Variants in MAST4 observed in about 807,000 individuals in gnomAD.
MAST4 encodes the protein microtubule associated serine/threonine kinase family member 4.
In MAST4, 89 loss-of-function variants were observed where a neutral mutation model predicts 162.7. The ratio of observed to expected loss-of-function variants is 0.55; its 90% CI spans 0.46 to 0.65. MAST4 has a LOEUF of 0.65. Among genes scored for constraint, MAST4 ranks in the 30% least tolerant of loss-of-function variants. The pLI is 0.00. For synonymous variants in MAST4, 1,479 were observed against 1,361.1 expected (o/e 1.09, Z -1.91); for missense variants, 3,153 against 3,374.0 (o/e 0.93, Z 1.62).
chr5:66,608,071 T>G (rs1743014381), intron 1 of MAST4, among the ~76,000 whole-genome samples: 1 of 151,482 alleles, frequency 6.6e-6, no homozygotes, highest in South Asian at 2.1e-4. Context: ...TTTTTTGTTT[T>G]TTTTTTTTGA....
At chr5:66,844,055 T>C (rs1366336130) in intron 3 of MAST4, among the ~76,000 whole-genome samples, 2 of 151,896 alleles carry the variant, frequency 1.3e-5, no homozygotes, top group East Asian at 3.9e-4. Flanking sequence ...TTCCCGTCAT[T>C]GTCAGACACT....
At chr5:67,114,383 G>T (rs1766632574) in intron 12 of MAST4, 164 bp downstream of exon 12, 2 of 799,878 alleles carry the variant, frequency 2.5e-6, no homozygotes, top group Non-Finnish European at 3.8e-6. Flanking sequence ...GCCATAAAAT[G>T]GGTCCTGAGA....
rs542773093 is a variant in MAST4, at chr5:67,064,091, T to G, written c.763+9599T>G. On this transcript the variant is annotated intron_variant, in intron 5 of 28. Coordinates refer to ENST00000403625, the MANE Select transcript of MAST4 (RefSeq NM_001164664.2). ...TTGCCTCTGTGTTGGCGATGTCAGT[T>G]GGAAGCCATTAATTCACTGATGGTA... Among the ~76,000 whole-genome samples, 6 of 152,296 alleles carry G rather than the reference T, an allele frequency of 3.9e-5. No homozygotes were observed. The East Asian group carries it at 9.6e-4, about 24-fold the overall frequency.
At chr5:66,747,097 G>GGTGTGT (rs138318051) in intron 1 of MAST4, among the ~76,000 whole-genome samples, 5,403 of 146,024 alleles carry the variant, frequency 0.037, 144 homozygotes, top group African/African-American at 0.062. Context: ...GCATGCGCAT[G>GGTGTGT]GTGTGTGTGT....
intron 3 of MAST4, among the ~76,000 whole-genome samples, chr5:66,812,143 A>G (rs1424553685): frequency 1.3e-5 from 2 of 152,210 alleles, no homozygotes; most frequent in Admixed American, 1.3e-4. Context: ...AAGGCTATCG[A>G]TAAGTCTCAT....
At chr5:66,761,348 TTTTAAAAGG>T (rs1753841981) in intron 2 of MAST4, among the ~76,000 whole-genome samples, 1 of 152,228 alleles carries the variant, frequency 6.6e-6, no homozygotes, top group Non-Finnish European at 1.5e-5. Context: ...AAAGCCTAGC[TTTTAAAAGG>T]TAACTCACCA....
At chr5:67,031,866 T>C (rs2150436573) in intron 4 of MAST4, among the ~76,000 whole-genome samples, 1 of 152,250 alleles carries the variant, frequency 6.6e-6, no homozygotes, top group South Asian at 2.1e-4. Context: ...CCACCTTCTT[T>C]CGTGAGAGAA....
intron 4 of MAST4, among the ~76,000 whole-genome samples, chr5:66,917,606 T>TTC (rs35209575): frequency 0.31 from 46,837 of 149,592 alleles, 8,935 homozygotes; most frequent in Non-Finnish European, 0.44. Flanking sequence ...TTTTTTTTTT[T>TTC]TCCCTAGATG....
intron 4 of MAST4, among the ~76,000 whole-genome samples, chr5:66,901,885 C>T (rs79933873): frequency 0.02 from 3,112 of 152,062 alleles, 107 homozygotes; most frequent in African/African-American, 0.072. Flanking sequence ...CCAGTAATTA[C>T]TCTCCTCATG....
chr5:66,789,221 A>G (rs1026033108), intron 3 of MAST4, among the ~76,000 whole-genome samples: 118 of 139,298 alleles, frequency 8.5e-4, no homozygotes, highest in African/African-American at 2.7e-3. Context: ...GTACATACAC[A>G]CATGATTTTT....
intron 3 of MAST4, among the ~76,000 whole-genome samples, chr5:66,840,554 T>TC (rs5868464): frequency 0.83 from 125,531 of 152,082 alleles, 51,900 homozygotes; most frequent in Non-Finnish European, 0.85. Flanking sequence ...GTACATTCAT[T>TC]CCTTGCTTGG....
At chr5:66,700,023 T>TAGATATATGATAGA (rs58361963) in intron 1 of MAST4, among the ~76,000 whole-genome samples, 30,810 of 152,158 alleles carry the variant, frequency 0.2, 3,595 homozygotes, top group East Asian at 0.31. Context: ...ATTGTGAAAC[T>TAGATATATGATAGA]AGCTGCATGG....
At chr5:66,726,161 G>A (rs1321577214) in intron 1 of MAST4, among the ~76,000 whole-genome samples, 1 of 152,034 alleles carries the variant, frequency 6.6e-6, no homozygotes, top group Non-Finnish European at 1.5e-5. Context: ...TAGCTAAGGT[G>A]GTCAGGGAAG....
chr5:66,874,799 G>A (rs1761183854), intron 3 of MAST4, among the ~76,000 whole-genome samples: 1 of 152,190 alleles, frequency 6.6e-6, no homozygotes, highest in African/African-American at 2.4e-5. Context: ...TCAGCCCAGA[G>A]CTATCTCAGA....
chr5:67,158,552 T>C (rs949509892), intron 26 of MAST4, among the ~76,000 whole-genome samples: 12 of 151,700 alleles, frequency 7.9e-5, no homozygotes, highest in East Asian at 3.9e-4. Context: ...ACCTGGGCAA[T>C]AGAGGAAGAC....
intron 4 of MAST4, among the ~76,000 whole-genome samples, chr5:67,003,493 C>T (rs1326286052): frequency 1.3e-5 from 2 of 152,106 alleles, no homozygotes; most frequent in Non-Finnish European, 1.5e-5. Flanking sequence ...TCTCTTTATC[C>T]TCCCATTTTT....
intron 1 of MAST4, among the ~76,000 whole-genome samples, chr5:66,756,497 C>G (rs1753546731): frequency 6.6e-6 from 1 of 152,152 alleles, no homozygotes. Context: ...GTCTTTAGTT[C>G]AACTCCTTGT....
chr5:67,144,746 C>A lies in MAST4; in HGVS notation c.2808C>A (p.Thr936=). ...ACTCTGTGGACAAAACCAAAAGCAC[C>A]ACCTTGCCATCCACAGAAACACTGA... ...KEDSVDKTKS[T]TLPSTETLSW... Residue 936 remains threonine (T), a synonymous_variant, in exon 22 of 29, where the codon ACC becomes ACA. Coordinates refer to ENST00000403625, the MANE Select transcript of MAST4 (RefSeq NM_001164664.2). 1 of 1,613,692 alleles carries A rather than the reference C, an allele frequency of 6.2e-7. No homozygotes were observed. Among genetic ancestry groups the A allele is most frequent in the South Asian group, 1.1e-5 (1 of 91,020 alleles).
At chr5:66,974,347 G>A (rs1280969135) in intron 4 of MAST4, among the ~76,000 whole-genome samples, 3 of 152,160 alleles carry the variant, frequency 2.0e-5, no homozygotes, top group Non-Finnish European at 2.9e-5. Context: ...ATGAATGAAC[G>A]AATTCATCCC....
Sources: allele counts gnomAD v4.1 joint callset (sites outside exome capture counted in the v4.1 genomes callset), GRCh38; gene constraint gnomAD v4.1.1; transcripts MANE v1.5; gene names NCBI Gene and HGNC (gene_info 2026-07-23, HGNC 2026-07-21).